CYRIA: variants seen among roughly 807,000 people sequenced by gnomAD.
CYRIA encodes CYFIP related Rac1 interactor A.
A neutral mutation model predicts 43.9 loss-of-function variants in CYRIA; 15 were observed. The observed-to-expected ratio is 0.34, with a 90% CI of 0.23 to 0.53. The LOEUF is 0.53. Among genes scored for constraint, CYRIA ranks in the 20% least tolerant of loss-of-function variants. The pLI is 0.94. For missense variants in CYRIA, 236 were observed against 394.2 expected (o/e 0.60, Z 3.40); for synonymous variants, 117 against 136.0 (o/e 0.86, Z 0.97).
chr2:16,561,148 C>T lies in CYRIA; in HGVS notation c.630+13G>A, dbSNP rs766024073. The T allele has an allele frequency of 4.2e-5, 68 of 1,612,028 alleles. No individual in the cohort carries two copies. The highest frequency in any genetic ancestry group is 5.2e-5 in the Non-Finnish European group (61 of 1,178,330). ...TTAAGGAAAAAAGCACCTCGTTGCT[C>T]AACTTCACTTACTTCAGAGACAAAG... On this transcript the variant is annotated intron_variant, in intron 8 of 11. Coordinates refer to ENST00000381323, the MANE Select transcript of CYRIA (RefSeq NM_030797.4).
At chr2:16,562,675 G>C (rs1163067769) in intron 5 of CYRIA, among the ~76,000 whole-genome samples, 1 of 152,028 alleles carries the variant, frequency 6.6e-6, no homozygotes, top group Non-Finnish European at 1.5e-5. Flanking sequence ...CCACTTGTCT[G>C]TTTCTCTAAA....
At chr2:16,571,942 C>T (rs1169937057) in intron 3 of CYRIA, among the ~76,000 whole-genome samples, 1 of 152,128 alleles carries the variant, frequency 6.6e-6, no homozygotes, top group Non-Finnish European at 1.5e-5. Flanking sequence ...AAAGGTCTGC[C>T]AGCAAATATG....
At chr2:16,589,395 A>G (rs1438307520) in intron 2 of CYRIA, among the ~76,000 whole-genome samples, 1 of 152,132 alleles carries the variant, frequency 6.6e-6, no homozygotes, top group Non-Finnish European at 1.5e-5. Context: ...TCTGGTCTCC[A>G]TAATCCTCCG....
intron 1 of CYRIA, among the ~76,000 whole-genome samples, chr2:16,630,710 G>A (rs544488086): frequency 6.6e-6 from 1 of 152,106 alleles, no homozygotes; most frequent in Non-Finnish European, 1.5e-5. Context: ...GAGGAAGTGG[G>A]AGACACATTA....
intron 3 of CYRIA, among the ~76,000 whole-genome samples, chr2:16,583,169 T>C (rs568483184): frequency 6.6e-6 from 1 of 152,346 alleles, no homozygotes; most frequent in East Asian, 1.9e-4. Context: ...TTTGGAGAAA[T>C]GTCCACTCAG....
intron 1 of CYRIA, among the ~76,000 whole-genome samples, chr2:16,636,216 G>A (rs1669493977): frequency 6.6e-6 from 1 of 152,084 alleles, no homozygotes; most frequent in Non-Finnish European, 1.5e-5. Context: ...ACAAGCAGAT[G>A]ACAGAACACA....
At chr2:16,629,813 G>A (rs557057437) in intron 1 of CYRIA, among the ~76,000 whole-genome samples, 4 of 152,244 alleles carry the variant, frequency 2.6e-5, no homozygotes, top group South Asian at 2.1e-4. Context: ...ATCTTCTTAC[G>A]GGTTACCATT....
intron 1 of CYRIA, among the ~76,000 whole-genome samples, chr2:16,636,804 A>T: frequency 7.3e-6 from 1 of 137,242 alleles, no homozygotes; most frequent in African/African-American, 3.2e-5. Flanking sequence ...CCAAAAAAAA[A>T]AATAAGAAAG....
chr2:16,657,500 T>C (rs1572209084), intron 1 of CYRIA, among the ~76,000 whole-genome samples: 1 of 151,680 alleles, frequency 6.6e-6, no homozygotes, highest in Admixed American at 6.6e-5. Flanking sequence ...TTTTGGCTGT[T>C]GTTTTGTTTT....
chr2:16,642,045 A>G (rs530033873), intron 1 of CYRIA, among the ~76,000 whole-genome samples: 85 of 152,240 alleles, frequency 5.6e-4, no homozygotes, highest in African/African-American at 1.5e-3. Context: ...AATTCTTAAT[A>G]TTGGCACTTC....
At chr2:16,564,543 C>T (rs749865931) in intron 4 of CYRIA, among the ~76,000 whole-genome samples, 2 of 152,122 alleles carry the variant, frequency 1.3e-5, no homozygotes, top group Non-Finnish European at 2.9e-5. Flanking sequence ...GAAAAACCAC[C>T]TCTTACTAGA....
intron 1 of CYRIA, among the ~76,000 whole-genome samples, chr2:16,645,813 T>C (rs1045768254): frequency 6.6e-6 from 1 of 152,234 alleles, no homozygotes; most frequent in Non-Finnish European, 1.5e-5. Context: ...TATACTTTAA[T>C]ACATAGAAAA....
intron 2 of CYRIA, among the ~76,000 whole-genome samples, chr2:16,618,957 G>C (rs956123614): frequency 6.6e-6 from 1 of 152,140 alleles, no homozygotes; most frequent in Admixed American, 6.5e-5. Flanking sequence ...TTGTGGAGAG[G>C]GTGATACACA....
Position 16,550,144 on chromosome 2 carries a change from G to A in CYRIA, c.*2792C>T, listed in dbSNP as rs1451019716. On this transcript the variant is annotated 3_prime_UTR_variant, in exon 12 of 12. Coordinates refer to ENST00000381323, the MANE Select transcript of CYRIA (RefSeq NM_030797.4). ...TCCCAAAAATAAATATCTCAGTCAT[G>A]GAAAACACTGTTTATTTGAAAACAA... The A allele has an allele frequency of 6.6e-6, 1 of 151,652 alleles. No homozygotes were observed. The highest frequency in any genetic ancestry group is 1.5e-5 in the Non-Finnish European group (1 of 67,906). 9.4% of individuals were successfully genotyped at this position (151,652 alleles called of 1,614,324 possible).
At chr2:16,573,547 T>C (rs1390541117) in intron 3 of CYRIA, among the ~76,000 whole-genome samples, 3 of 152,180 alleles carry the variant, frequency 2.0e-5, no homozygotes, top group Non-Finnish European at 4.4e-5. Context: ...TATGATATGG[T>C]TTGGCTGTGT....
intron 1 of CYRIA, among the ~76,000 whole-genome samples, chr2:16,645,400 C>A (rs1343761169): frequency 6.6e-6 from 1 of 152,174 alleles, no homozygotes. Flanking sequence ...ATAATAAAAA[C>A]GAAGCGGATA....
At chr2:16,588,940 A>G (rs750586549) in intron 2 of CYRIA, among the ~76,000 whole-genome samples, 1 of 152,162 alleles carries the variant, frequency 6.6e-6, no homozygotes, top group Non-Finnish European at 1.5e-5. Flanking sequence ...CAAACCTCTT[A>G]CATATCAGCA....
rs569809592 is a variant in CYRIA, at chr2:16,551,726, T to A, written c.*1210A>T. The A allele has an allele frequency of 6.6e-6, 1 of 152,306 alleles. No individual in the cohort carries two copies. Among genetic ancestry groups the A allele is most frequent in the African/African-American group, 2.4e-5 (1 of 41,584 alleles). 9.4% of individuals were successfully genotyped at this position (152,306 alleles called of 1,614,324 possible). The stretch of plus-strand genomic sequence containing the variant: ...GGAAGAAGGGCGGAGTCAGTCATTT[T>A]ATCGGCATTAACCTTACAGGGCTCT... On this transcript the variant is annotated 3_prime_UTR_variant, in exon 12 of 12. Transcript: ENST00000381323.
At chr2:16,620,504 C>G (rs1050276183) in intron 2 of CYRIA, among the ~76,000 whole-genome samples, 16 of 152,144 alleles carry the variant, frequency 1.1e-4, no homozygotes, top group Non-Finnish European at 7.4e-5. Context: ...GCCAAGGAAA[C>G]TATAATCTTA....
Sources: gnomAD v4.1 joint callset for allele counts (sites outside exome capture counted in the v4.1 genomes callset) on GRCh38, gnomAD v4.1.1 for gene constraint, MANE v1.5 for transcripts, NCBI Gene and HGNC (gene_info 2026-07-23, HGNC 2026-07-21) for gene names.